GALNT18: variants seen among roughly 807,000 people sequenced by gnomAD.
The protein encoded by GALNT18 is GalNAc-transferase 18.
GALNT18 carries 44 observed loss-of-function variants against 69.5 expected under a neutral mutation model. The ratio of observed to expected loss-of-function variants is 0.63; its 90% CI spans 0.50 to 0.81. GALNT18 has a LOEUF of 0.81. Ranked by LOEUF, GALNT18 falls within the 40% of genes least tolerant of loss-of-function variation. The pLI is 0.00. For synonymous variants in GALNT18, 364 were observed against 318.2 expected (o/e 1.14, Z -1.53); for missense variants, 715 against 810.0 (o/e 0.88, Z 1.42).
At chr11:11,279,786 C>A (rs1404783505) in intron 10 of GALNT18, among the ~76,000 whole-genome samples, 1 of 152,204 alleles carries the variant, frequency 6.6e-6, no homozygotes, top group East Asian at 1.9e-4. Flanking sequence ...GTGTTGCTAG[C>A]AGTCCTATTT....
intron 1 of GALNT18, among the ~76,000 whole-genome samples, chr11:11,498,395 A>G (rs1220252057): frequency 1.3e-5 from 2 of 152,234 alleles, no homozygotes; most frequent in Non-Finnish European, 2.9e-5. Context: ...GGGGGCACTC[A>G]AAGAAATACT....
At chr11:11,328,591 T>G (rs1250360343) in intron 8 of GALNT18, among the ~76,000 whole-genome samples, 1 of 152,164 alleles carries the variant, frequency 6.6e-6, no homozygotes, top group Non-Finnish European at 1.5e-5. Context: ...CTTTTGAGCT[T>G]CCTTTCCTCT....
intron 6 of GALNT18, among the ~76,000 whole-genome samples, chr11:11,357,518 G>C (rs55868030): frequency 0.1 from 15,288 of 152,120 alleles, 1,086 homozygotes; most frequent in Admixed American, 0.21. Flanking sequence ...ACTTCCCCTT[G>C]ACTCCAACTA....
chr11:11,340,791 G>T lies in GALNT18; in HGVS notation c.1278+28C>A, dbSNP rs1850190259. 1 of 1,576,532 alleles carries T rather than the reference G, an allele frequency of 6.3e-7. No homozygotes were observed. Among genetic ancestry groups the T allele is most frequent in the Non-Finnish European group, 8.6e-7 (1 of 1,158,794 alleles). On this transcript the variant is annotated intron_variant, in intron 7 of 10. Transcript: ENST00000227756. This position sits in a 1 kb window ranked among gnomAD's most constrained non-coding sequence, Gnocchi z 4.2. ...TTGTTTGTTTTCCACCAATCCCCGA[G>T]AAACTCATCCCTACCGGAGATCCCT...
rs1371353533 is a variant in GALNT18 at position 11,601,250 on chromosome 11, A to G, written c.235+20109T>C. Among the ~76,000 whole-genome samples, 1 of 152,092 alleles carries G rather than the reference A, an allele frequency of 6.6e-6. No individual in the cohort carries two copies. The highest frequency in any genetic ancestry group is 1.5e-5 in the Non-Finnish European group (1 of 68,002). On this transcript the variant is annotated intron_variant, in intron 1 of 10. Coordinates refer to ENST00000227756, the MANE Select transcript of GALNT18 (RefSeq NM_198516.3). The surrounding 1 kb of genome is among the most constrained non-coding windows in gnomAD (Gnocchi z 4.0). The stretch of plus-strand genomic sequence containing the variant: ...CACTTTGAATACTGATTAATCCCCC[A>G]CCCAAGGACTTCTTGTTGTTGCACT...
chr11:11,584,769 CT>C lies in GALNT18; in HGVS notation c.235+36589del, dbSNP rs1859173406. On this transcript the variant is annotated intron_variant, in intron 1 of 10. Coordinates refer to ENST00000227756, the MANE Select transcript of GALNT18 (RefSeq NM_198516.3). The surrounding 1 kb of genome is among the most constrained non-coding windows in gnomAD (Gnocchi z 4.1). The stretch of plus-strand genomic sequence containing the variant: ...ATCGAGGTGGACAATGAACTACGTA[CT>C]TTTTTCATGAAACACTATTTTCACT... 1.3e-5 allele frequency among the ~76,000 whole-genome samples: 2 copies of C among 151,918 alleles called. No homozygotes were observed. Among genetic ancestry groups the C allele is most frequent in the Non-Finnish European group, 2.9e-5 (2 of 68,022 alleles).
At chr11:11,516,648 GA>G (rs1462958243) in intron 1 of GALNT18, among the ~76,000 whole-genome samples, 1 of 152,062 alleles carries the variant, frequency 6.6e-6, no homozygotes, top group African/African-American at 2.4e-5. Flanking sequence ...AAACAAAACA[GA>G]AAAAGAAAAG....
intron 6 of GALNT18, among the ~76,000 whole-genome samples, chr11:11,349,357 C>T (rs562031300): frequency 1.3e-5 from 2 of 152,228 alleles, no homozygotes; most frequent in South Asian, 4.2e-4. Context: ...GTTCAACTTT[C>T]CTAGGAAAAG....
At chr11:11,273,113 G>C (rs1295771978) in intron 10 of GALNT18, among the ~76,000 whole-genome samples, 2 of 152,122 alleles carry the variant, frequency 1.3e-5, no homozygotes, top group African/African-American at 4.8e-5. Flanking sequence ...ACTCCAGAAT[G>C]TGGGAAACAC....
At chr11:11,489,793 G>A (rs1218458601) in intron 1 of GALNT18, among the ~76,000 whole-genome samples, 1 of 152,164 alleles carries the variant, frequency 6.6e-6, no homozygotes, top group Non-Finnish European at 1.5e-5. Context: ...CAATAAGGTA[G>A]GTATTAATGT....
intron 1 of GALNT18, among the ~76,000 whole-genome samples, chr11:11,557,017 C>T (rs1858348006): frequency 6.6e-6 from 1 of 152,180 alleles, no homozygotes; most frequent in Non-Finnish European, 1.5e-5. Flanking sequence ...CTCAGTGAGG[C>T]TCCCATGCCA....
intron 1 of GALNT18, among the ~76,000 whole-genome samples, chr11:11,507,667 T>A (rs572191853): frequency 3.9e-5 from 6 of 152,346 alleles, no homozygotes; most frequent in Non-Finnish European, 8.8e-5. Context: ...ACCTCTGTGA[T>A]GGTTAATATT....
At chr11:11,559,317 A>G (rs565839265) in intron 1 of GALNT18, among the ~76,000 whole-genome samples, 2 of 152,262 alleles carry the variant, frequency 1.3e-5, no homozygotes, top group East Asian at 3.9e-4. Flanking sequence ...TGTGGGAGTG[A>G]GCTTGGGGGA....
chr11:11,348,992 C>T (rs1850352276), intron 6 of GALNT18, among the ~76,000 whole-genome samples: 1 of 151,930 alleles, frequency 6.6e-6, no homozygotes, highest in Non-Finnish European at 1.5e-5. Flanking sequence ...GAGTGCTTTT[C>T]CTTACCCCCA....
Position 11,377,165 on chromosome 11 carries a change from G to A in GALNT18, c.977+17C>T, listed in dbSNP as rs754357426. On this transcript the variant is annotated intron_variant, in intron 5 of 10. Transcript: ENST00000227756. This position sits in a 1 kb window ranked among gnomAD's most constrained non-coding sequence, Gnocchi z 4.6. ...GAGGTCAAAGCGGAGAGACCCACAGGTAAAGGTTTGCTTTACCTGATTGGC... is the reference window on the plus strand; with the variant it reads ...GAGGTCAAAGCGGAGAGACCCACAGATAAAGGTTTGCTTTACCTGATTGGC... The A allele has an allele frequency of 5.6e-6, 9 of 1,611,184 alleles. No individual in the cohort carries two copies. The South Asian group carries it at 9.9e-5, about 18-fold the overall frequency.
intron 6 of GALNT18, among the ~76,000 whole-genome samples, chr11:11,350,877 C>G (rs984143989): frequency 6.6e-6 from 1 of 152,184 alleles, no homozygotes; most frequent in Non-Finnish European, 1.5e-5. Context: ...TCCCAGCCAG[C>G]CTTCAGGGGA....
At chr11:11,609,103 G>A (rs537840109) in intron 1 of GALNT18, among the ~76,000 whole-genome samples, 68 of 152,150 alleles carry the variant, frequency 4.5e-4, no homozygotes, top group Non-Finnish European at 9.3e-4. Context: ...CACCATACCT[G>A]GCACAATGCC....
intron 1 of GALNT18, among the ~76,000 whole-genome samples, chr11:11,464,938 T>G (rs918509663): frequency 6.6e-6 from 1 of 152,214 alleles, no homozygotes; most frequent in South Asian, 2.1e-4. Context: ...CACCGGCTGT[T>G]GTTACTATTA....
In GALNT18 at chr11:11,340,660, C is replaced by T. The variant is rs1257539590; in HGVS notation, c.1278+159G>A. ...GAAATGGCTTAGAGCCTCATGGCCC[C>T]TTTTCTTCAGCAAATAATATGTTTT... On this transcript the variant is annotated intron_variant, in intron 7 of 10. Transcript: ENST00000227756. The surrounding 1 kb of genome is among the most constrained non-coding windows in gnomAD (Gnocchi z 4.2). 6.6e-6 allele frequency among the ~76,000 whole-genome samples: 1 copy of T among 152,138 alleles called. No individual in the cohort carries two copies. The highest frequency in any genetic ancestry group is 1.5e-5 in the Non-Finnish European group (1 of 68,030).
Sources: gnomAD v4.1 joint callset for allele counts (sites outside exome capture counted in the v4.1 genomes callset) on GRCh38, gnomAD v4.1.1 for gene constraint, Gnocchi (gnomAD v3.1) non-coding constraint, MANE v1.5 for transcripts, NCBI Gene and HGNC (gene_info 2026-07-23, HGNC 2026-07-21) for gene names.